Variants in AFF4 observed in about 807,000 individuals in gnomAD.
The protein encoded by AFF4 is AF4/FMR2 family member 4.
Under a neutral mutation model 124.8 loss-of-function variants are expected in AFF4, and 13 were observed. The observed-to-expected ratio is 0.10, with a 90% CI of 0.07 to 0.17. The LOEUF is 0.17. Among genes scored for constraint, AFF4 ranks in the 10% least tolerant of loss-of-function variants. AFF4 has a pLI of 1.00. For missense variants in AFF4, 1,092 were observed against 1,403.8 expected, an observed-to-expected ratio of 0.78 and a Z score of 3.55; for synonymous variants, 477 against 496.1, an observed-to-expected ratio of 0.96 and a Z score of 0.51.
intron 5 of AFF4, among the ~76,000 whole-genome samples, chr5:132,923,132 C>T (rs1162036282): frequency 6.6e-6 from 1 of 151,994 alleles, no homozygotes; most frequent in Non-Finnish European, 1.5e-5. Context: ...GCCAAGATTG[C>T]ACCACTGCAC....
chr5:132,962,059 G>A (rs1159828283), intron 1 of AFF4, among the ~76,000 whole-genome samples: 1 of 152,152 alleles, frequency 6.6e-6, no homozygotes, highest in Non-Finnish European at 1.5e-5. Context: ...CTTTATGCAC[G>A]TATGACCAAA....
intron 11 of AFF4, among the ~76,000 whole-genome samples, chr5:132,894,182 A>T (rs1336725020): frequency 6.6e-6 from 1 of 152,206 alleles, no homozygotes; most frequent in Admixed American, 6.5e-5. Flanking sequence ...TTTCTCTTGG[A>T]TATATAACTA....
Position 132,963,391 on chromosome 5 carries a change from C to T in AFF4, c.-137G>A. Reference sequence around the variant, plus strand: ...GACAGGCTGCCAAGGGCGAGGGGCTCCGGGAGGCGGCGGGGGTTCCGGAGG... The same window carrying T: ...GACAGGCTGCCAAGGGCGAGGGGCTTCGGGAGGCGGCGGGGGTTCCGGAGG... On this transcript the variant is annotated 5_prime_UTR_variant, in exon 1 of 21. Coordinates refer to ENST00000265343, the MANE Select transcript of AFF4 (RefSeq NM_014423.4). 5.0e-6 allele frequency: 2 copies of T among 398,126 alleles called. No individual in the cohort carries two copies. The highest frequency in any genetic ancestry group is 8.9e-6 in the Non-Finnish European group (2 of 225,706). 24.7% of individuals were successfully genotyped at this position (398,126 alleles called of 1,614,324 possible).
intron 17 of AFF4, among the ~76,000 whole-genome samples, chr5:132,886,790 A>C (rs548465044): frequency 6.6e-6 from 1 of 152,328 alleles, no homozygotes; most frequent in East Asian, 1.9e-4. Context: ...ATAGCTTATA[A>C]AGACCGTGCA....
At chr5:132,933,543 G>C (rs1761349444) in intron 3 of AFF4, among the ~76,000 whole-genome samples, 1 of 150,258 alleles carries the variant, frequency 6.7e-6, no homozygotes. Context: ...CACCCATCTT[G>C]AAAAAAAAAG....
At chr5:132,896,106 T>G (rs1248495933) in intron 11 of AFF4, among the ~76,000 whole-genome samples, 1 of 152,256 alleles carries the variant, frequency 6.6e-6, no homozygotes, top group Non-Finnish European at 1.5e-5. Context: ...TCATTTCTTA[T>G]TTCATTAGCA....
At chr5:132,920,986 G>C (rs1761029905) in intron 5 of AFF4, among the ~76,000 whole-genome samples, 1 of 151,924 alleles carries the variant, frequency 6.6e-6, no homozygotes, top group South Asian at 2.1e-4. Flanking sequence ...AATTAGTCAG[G>C]CATGGTGGCA....
At chr5:132,913,063 A>G (rs559267504) in intron 5 of AFF4, among the ~76,000 whole-genome samples, 26 of 152,384 alleles carry the variant, frequency 1.7e-4, no homozygotes, top group South Asian at 1.0e-3. Flanking sequence ...TTTAAGTATA[A>G]GAACATAAAC....
intron 5 of AFF4, among the ~76,000 whole-genome samples, chr5:132,909,004 C>T (rs1383215660): frequency 6.6e-6 from 1 of 151,414 alleles, no homozygotes; most frequent in Non-Finnish European, 1.5e-5. Context: ...CTCCTGACCT[C>T]GTGATCCACC....
chr5:132,935,926 A>T (rs1442719343), intron 2 of AFF4, among the ~76,000 whole-genome samples: 67 of 145,990 alleles, frequency 4.6e-4, no homozygotes, highest in African/African-American at 1.5e-3. Flanking sequence ...CCTTCTCATA[A>T]AAAAAAAAAA....
intron 5 of AFF4, among the ~76,000 whole-genome samples, chr5:132,925,178 A>AAATAAAT (rs1761140789): frequency 6.6e-6 from 1 of 150,890 alleles, no homozygotes; most frequent in African/African-American, 2.5e-5. Context: ...CCATCTCAGA[A>AAATAAAT]AAATAAATAA....
chr5:132,937,090 G>T lies in AFF4; in HGVS notation c.100C>A (p.Leu34Ile). The change falls in exon 2 of 21, where the codon CTC becomes ATC. Residue 34 changes from leucine (L) to isoleucine (I), a missense_variant. Coordinates refer to ENST00000265343, the MANE Select transcript of AFF4 (RefSeq NM_014423.4). ...ACAACTTTGTATGGCTCTGCAAAGAGAGGAGAGCTAGGTGGGAAGGCGTCT... is the reference window on the plus strand; with the variant it reads ...ACAACTTTGTATGGCTCTGCAAAGATAGGAGAGCTAGGTGGGAAGGCGTCT... ...GEDAFPPSSP[L>I]FAEPYKVTSK... is the part of the protein sequence containing the mutation. The T allele has an allele frequency of 6.2e-7, 1 of 1,613,536 alleles. No homozygotes were observed. The highest frequency in any genetic ancestry group is 8.5e-7 in the Non-Finnish European group (1 of 1,179,812).
chr5:132,959,834 G>A (rs1325025071), intron 1 of AFF4, among the ~76,000 whole-genome samples: 4 of 130,792 alleles, frequency 3.1e-5, no homozygotes, highest in South Asian at 2.3e-4. Flanking sequence ...GTGCGATCTC[G>A]ACTCACTGCA....
intron 1 of AFF4, among the ~76,000 whole-genome samples, chr5:132,950,568 G>C (rs891266110): frequency 6.6e-6 from 1 of 152,138 alleles, no homozygotes; most frequent in African/African-American, 2.4e-5. Context: ...ACAATCGCTT[G>C]AACCCAGGAG....
intron 3 of AFF4, among the ~76,000 whole-genome samples, chr5:132,933,613 T>G (rs971961194): frequency 2.6e-5 from 4 of 152,144 alleles, no homozygotes; most frequent in African/African-American, 7.2e-5. Context: ...GCAATTCAAT[T>G]TAAATTTCAA....
At chr5:132,882,485 A>G (rs180693920) in intron 20 of AFF4, among the ~76,000 whole-genome samples, 1 of 152,342 alleles carries the variant, frequency 6.6e-6, no homozygotes, top group East Asian at 1.9e-4. Flanking sequence ...CAAAGACTTT[A>G]TAATTCTCCA....
At chr5:132,895,359 T>C (rs1360183560) in intron 11 of AFF4, among the ~76,000 whole-genome samples, 3 of 152,238 alleles carry the variant, frequency 2.0e-5, no homozygotes, top group African/African-American at 7.2e-5. Flanking sequence ...CGTGGCACTG[T>C]GGTTTTATGA....
At position 132,937,196 on chromosome 5, in the gene AFF4, A is replaced by G; in HGVS notation, c.-4-3T>C. 1.9e-6 allele frequency: 3 copies of G among 1,603,524 alleles called. No homozygotes were observed. The highest frequency in any genetic ancestry group is 1.7e-5 in the Admixed American group (1 of 58,652). On this transcript the variant is annotated splice_region_variant and splice_polypyrimidine_tract_variant and intron_variant, in intron 1 of 20. Coordinates refer to ENST00000265343, the MANE Select transcript of AFF4 (RefSeq NM_014423.4). ...TCCGGTCTTCACGGTTCATGTTGCT[A>G]TGAAAAGAAACACAATCTTTGTATC...
chr5:132,958,393 G>T (rs1713800673), intron 1 of AFF4, among the ~76,000 whole-genome samples: 1 of 142,676 alleles, frequency 7.0e-6, no homozygotes, highest in Non-Finnish European at 1.5e-5. Context: ...TTGAGCCTGG[G>T]AAGCAGAGGT....
Sources: allele counts gnomAD v4.1 joint callset (sites outside exome capture counted in the v4.1 genomes callset), GRCh38; gene constraint gnomAD v4.1.1; transcripts MANE v1.5; gene names NCBI Gene and HGNC (gene_info 2026-07-23, HGNC 2026-07-21).